RNF128: variants seen among roughly 807,000 people sequenced by gnomAD.
RNF128 encodes E3 ubiquitin-protein ligase RNF128.
A neutral mutation model predicts 26.2 loss-of-function variants in RNF128; 13 were observed. The ratio of observed to expected loss-of-function variants is 0.50; its 90% CI spans 0.32 to 0.79. RNF128 has a LOEUF of 0.79. Among genes scored for constraint, RNF128 ranks in the 30% least tolerant of loss-of-function variants. The pLI is 0.03. For missense variants in RNF128, 315 were observed against 349.7 expected, an observed-to-expected ratio of 0.90 and a Z score of 0.79; for synonymous variants, 149 against 142.5, an observed-to-expected ratio of 1.05 and a Z score of -0.32.
exon 1 of RNF128, chrX:106,694,028 T>A (rs1490995870): frequency 1.7e-6 from 2 of 1,198,940 alleles, no homozygotes; most frequent in Non-Finnish European, 1.1e-6. Context: ...AGGTCCAGTT[T>A]TTTTTGGCTC....
intron 2 of RNF128, among the ~76,000 whole-genome samples, chrX:106,780,512 A>G (rs932031858): frequency 8.9e-6 from 1 of 111,955 alleles, no homozygotes; most frequent in Non-Finnish European, 1.9e-5. Flanking sequence ...CTACTGCCAA[A>G]TATTCTTAGA....
intron 1 of RNF128, among the ~76,000 whole-genome samples, chrX:106,697,713 T>C (rs987002335): frequency 9.0e-6 from 1 of 111,287 alleles, no homozygotes; most frequent in African/African-American, 3.3e-5. Context: ...ACAGCCTCCC[T>C]ACTAAGAGTG....
chrX:106,741,408 G>T (rs904196416), intron 1 of RNF128, among the ~76,000 whole-genome samples: 6 of 111,650 alleles, frequency 5.4e-5, no homozygotes. Flanking sequence ...ATGGAAGTTT[G>T]AAACTGAGGT....
At chrX:106,699,600 A>G (rs1427106354) in intron 1 of RNF128, among the ~76,000 whole-genome samples, 1 of 112,093 alleles carries the variant, frequency 8.9e-6, no homozygotes, top group Non-Finnish European at 1.9e-5. Flanking sequence ...TGATCAAAAC[A>G]TATAGGTCGA....
At chrX:106,740,285 A>G (rs147241722) in intron 1 of RNF128, among the ~76,000 whole-genome samples, 947 of 72,368 alleles carry the variant, frequency 0.013, 5 homozygotes, top group Non-Finnish European at 0.021. Flanking sequence ...TTAAATGTCA[A>G]TTTAGGTAGG....
chrX:106,786,610 C>T (rs937791353), intron 3 of RNF128, among the ~76,000 whole-genome samples: 9 of 110,906 alleles, frequency 8.1e-5, no homozygotes, highest in Non-Finnish European at 1.1e-4. Flanking sequence ...TACATTTGGC[C>T]TTGTCAAAAT....
At chrX:106,775,715 C>A (rs1415591918) in intron 2 of RNF128, among the ~76,000 whole-genome samples, 1 of 111,740 alleles carries the variant, frequency 8.9e-6, no homozygotes. Context: ...AAAGGTAGAG[C>A]TTAATGCATA....
chrX:106,791,338 C>A, intron 6 of RNF128, 104 bp downstream of exon 6: 2 of 792,161 alleles, frequency 2.5e-6, no homozygotes, highest in Non-Finnish European at 3.5e-6. Flanking sequence ...CAGCCATTAT[C>A]ATGATCCAGG....
chrX:106,694,812 A>G (rs1007175606), intron 1 of RNF128, among the ~76,000 whole-genome samples: 7 of 111,730 alleles, frequency 6.3e-5, no homozygotes, highest in African/African-American at 2.3e-4. Context: ...AAACTGCAAA[A>G]CAGTTTCATT....
rs1191844688 is a variant in RNF128, at chrX:106,751,583, G to A, written c.485-21330G>A. On this transcript the variant is annotated intron_variant, in intron 1 of 6. Transcript: ENST00000255499. Reference sequence around the variant, plus strand: ...GGTGCATATGGCCAAGAAAGCGTTTGCATCACCCCTCCCCCAACTCCAGGC... The same window carrying A: ...GGTGCATATGGCCAAGAAAGCGTTTACATCACCCCTCCCCCAACTCCAGGC... 3.6e-5 allele frequency among the ~76,000 whole-genome samples: 4 copies of A among 110,642 alleles called. No homozygotes were observed. In the Admixed American group the frequency reaches 3.8e-4, roughly 11 times the overall value.
At chrX:106,748,510 G>C (rs182662464) in intron 1 of RNF128, among the ~76,000 whole-genome samples, 1 of 111,929 alleles carries the variant, frequency 8.9e-6, no homozygotes. Context: ...ATTTACAATA[G>C]CCAAGATATG....
chrX:106,782,241 C>T (rs933446624), intron 2 of RNF128, among the ~76,000 whole-genome samples: 2 of 112,424 alleles, frequency 1.8e-5, no homozygotes, highest in African/African-American at 6.5e-5. Context: ...GCACAAAGAG[C>T]AAAACGATTG....
chrX:106,734,423 A>C (rs373863263), intron 1 of RNF128, among the ~76,000 whole-genome samples: 10 of 109,899 alleles, frequency 9.1e-5, no homozygotes, highest in African/African-American at 3.0e-4. Context: ...ATGCCTTTTT[A>C]TTTTTCTTTT....
At chrX:106,770,239 C>G (rs1171900744) in intron 1 of RNF128, among the ~76,000 whole-genome samples, 1 of 111,112 alleles carries the variant, frequency 9.0e-6, no homozygotes, top group Non-Finnish European at 1.9e-5. Flanking sequence ...TTGCTCTTCT[C>G]AAGGAGTATC....
chrX:106,716,587 A>G (rs929323049), intron 1 of RNF128, among the ~76,000 whole-genome samples: 1 of 110,994 alleles, frequency 9.0e-6, no homozygotes, highest in African/African-American at 3.3e-5. Flanking sequence ...ATTTTACTCT[A>G]TGTAAATTAT....
At chrX:106,765,059 C>T (rs1054674844) in intron 1 of RNF128, among the ~76,000 whole-genome samples, 3 of 111,762 alleles carry the variant, frequency 2.7e-5, no homozygotes, top group Admixed American at 9.5e-5. Context: ...ACATTTCAGA[C>T]TCCTTCACTC....
chrX:106,708,359 G>A (rs1223435866), intron 1 of RNF128, among the ~76,000 whole-genome samples: 1 of 112,236 alleles, frequency 8.9e-6, no homozygotes, highest in African/African-American at 3.2e-5. Flanking sequence ...GGGTTATGGA[G>A]TGAAGGAAAC....
chrX:106,795,628 A>G lies in RNF128; in HGVS notation c.1202A>G (p.Asp401Gly), dbSNP rs1177397132. ...CATGAAGCAAATTCTGTGGCAGTGG[A>G]TGTTATTCCTCATGTTGACAACCCA... is the stretch of plus-strand genomic sequence containing the variant. ...VNHEANSVAV[D>G]VIPHVDNPTF... Residue 401 changes from aspartate (D) to glycine (G), a missense_variant, in exon 7 of 7, where the codon GAT becomes GGT. By Grantham distance (94) the Asp-to-Gly change is moderately conservative (BLOSUM62 -1). Coordinates refer to ENST00000255499, the MANE Select transcript of RNF128 (RefSeq NM_194463.2). The G allele has an allele frequency of 1.7e-6, 2 of 1,201,683 alleles. No individual in the cohort carries two copies. The highest frequency in any genetic ancestry group is 4.4e-5 in the Admixed American group (2 of 45,409).
upstream of RNF128, among the ~76,000 whole-genome samples, chrX:106,724,639 C>T (rs908508323): frequency 1.8e-5 from 2 of 111,462 alleles, no homozygotes; most frequent in Admixed American, 9.6e-5. Context: ...AATGCCTTTC[C>T]TTGTGTTGTT....
Sources: gnomAD v4.1 joint callset for allele counts (sites outside exome capture counted in the v4.1 genomes callset) on GRCh38, gnomAD v4.1.1 for gene constraint, MANE v1.5 for transcripts, NCBI Gene and HGNC (gene_info 2026-07-23, HGNC 2026-07-21) for gene names.